The following PDSS2 variants were observed in gnomAD, a reference collection of about 807,000 sequenced individuals.
PDSS2 encodes decaprenyl diphosphate synthase subunit 2, also known as all trans-polyprenyl-diphosphate synthase PDSS2.
A neutral mutation model predicts 44.5 loss-of-function variants in PDSS2; 31 were observed. The ratio of observed to expected loss-of-function variants is 0.70; its 90% CI spans 0.52 to 0.94. PDSS2 has a LOEUF of 0.94. PDSS2 is among the 40% of genes least tolerant of loss of function. The probability of loss-of-function intolerance (pLI) is 0.00; values close to 1 mark genes in which losing one functional copy is unlikely to be tolerated. For synonymous variants in PDSS2, 157 were observed against 180.3 expected (o/e 0.87, Z 1.03); for missense variants, 452 against 482.2 (o/e 0.94, Z 0.59).
intron 7 of PDSS2, among the ~76,000 whole-genome samples, chr6:107,157,813 G>A (rs1770960985): frequency 6.6e-6 from 1 of 152,046 alleles, no homozygotes; most frequent in Admixed American, 6.6e-5. Flanking sequence ...TGGGATTACA[G>A]GCACCCGCCA....
chr6:107,315,387 G>A (rs1160047752), intron 2 of PDSS2, among the ~76,000 whole-genome samples: 20 of 152,172 alleles, frequency 1.3e-4, no homozygotes, highest in Admixed American at 1.3e-3. Context: ...ATCTTTTGAA[G>A]AGATTTCTAA....
intron 6 of PDSS2, among the ~76,000 whole-genome samples, chr6:107,207,166 G>A (rs1050830560): frequency 3.3e-5 from 5 of 151,870 alleles, no homozygotes; most frequent in Non-Finnish European, 5.9e-5. Context: ...CTAATTTTTT[G>A]TATTTTTACT....
intron 7 of PDSS2, among the ~76,000 whole-genome samples, chr6:107,188,034 G>A (rs925565221): frequency 1.3e-5 from 2 of 152,198 alleles, no homozygotes; most frequent in Admixed American, 1.3e-4. Flanking sequence ...CCTGGCAGTC[G>A]TGTTCATGAT....
intron 2 of PDSS2, among the ~76,000 whole-genome samples, chr6:107,308,645 G>A (rs1322442133): frequency 6.6e-6 from 1 of 152,214 alleles, no homozygotes; most frequent in African/African-American, 2.4e-5. Flanking sequence ...CCAAAGAAGA[G>A]GTGACAGCAA....
intron 3 of PDSS2, among the ~76,000 whole-genome samples, chr6:107,248,756 G>T (rs1386073896): frequency 1.3e-5 from 2 of 152,238 alleles, no homozygotes; most frequent in East Asian, 3.9e-4. Context: ...TTATAATTAG[G>T]CATGTAAACT....
chr6:107,279,946 T>C (rs756742361), intron 2 of PDSS2, among the ~76,000 whole-genome samples: 3 of 152,230 alleles, frequency 2.0e-5, no homozygotes, highest in Non-Finnish European at 4.4e-5. Flanking sequence ...CTATTTTAGC[T>C]ACCCAAAGCA....
intron 1 of PDSS2, among the ~76,000 whole-genome samples, chr6:107,393,148 G>A (rs1049078669): frequency 1.1e-4 from 17 of 151,902 alleles, no homozygotes; most frequent in Non-Finnish European, 2.2e-4. Context: ...TTATTGTAAA[G>A]CAATTAATTT....
chr6:107,238,645 T>A (rs1286618395), intron 4 of PDSS2, among the ~76,000 whole-genome samples: 1 of 152,206 alleles, frequency 6.6e-6, no homozygotes, highest in African/African-American at 2.4e-5. Context: ...ATTTTCTGCC[T>A]AGCATGTAGC....
At chr6:107,319,076 T>C (rs1266111116) in intron 2 of PDSS2, among the ~76,000 whole-genome samples, 1 of 151,954 alleles carries the variant, frequency 6.6e-6, no homozygotes, top group Admixed American at 6.6e-5. Flanking sequence ...TTATTTGTGC[T>C]ATGGAAAAAA....
intron 1 of PDSS2, among the ~76,000 whole-genome samples, chr6:107,340,752 G>C (rs1247542243): frequency 6.6e-6 from 1 of 152,208 alleles, no homozygotes; most frequent in African/African-American, 2.4e-5. Flanking sequence ...AGAAGTAGGA[G>C]ACGGGACTGG....
chr6:107,261,907 C>CTTTTTT (rs58274022), intron 3 of PDSS2, among the ~76,000 whole-genome samples: 7 of 117,102 alleles, frequency 6.0e-5, no homozygotes, highest in African/African-American at 1.4e-4. Flanking sequence ...TCTTTCTTTT[C>CTTTTTT]TTTTTTTTTT....
intron 1 of PDSS2, among the ~76,000 whole-genome samples, chr6:107,343,698 A>G (rs1322515568): frequency 6.6e-6 from 1 of 152,246 alleles, no homozygotes; most frequent in Non-Finnish European, 1.5e-5. Context: ...GCATACATAT[A>G]TACATATAAA....
chr6:107,459,302 G>C lies in PDSS2; in HGVS notation c.-17C>G. ...AAAGTTCATGGTTTGAGTCTGGAAG[G>C]GTCTGGGACCTGGGGGTATCCAGAA... On this transcript the variant is annotated 5_prime_UTR_variant, in exon 1 of 8. Coordinates refer to ENST00000369037, the MANE Select transcript of PDSS2 (RefSeq NM_020381.4). This position sits in a 1 kb window ranked among gnomAD's most constrained non-coding sequence, Gnocchi z 4.3. 6.2e-7 allele frequency: 1 copy of C among 1,612,548 alleles called. No homozygotes were observed. The highest frequency in any genetic ancestry group is 8.5e-7 in the Non-Finnish European group (1 of 1,179,206).
intron 3 of PDSS2, among the ~76,000 whole-genome samples, chr6:107,247,986 C>A (rs1380928653): frequency 6.6e-6 from 1 of 151,492 alleles, no homozygotes; most frequent in African/African-American, 2.4e-5. Context: ...AGCGCCACTG[C>A]ACTCCAGTTT....
intron 1 of PDSS2, among the ~76,000 whole-genome samples, chr6:107,419,105 G>C (rs1780749745): frequency 6.6e-6 from 1 of 151,118 alleles, no homozygotes; most frequent in Admixed American, 6.6e-5. Context: ...TTTGATTTTT[G>C]TGAGGCTCAA....
At chr6:107,253,449 T>A (rs1372333178) in intron 3 of PDSS2, among the ~76,000 whole-genome samples, 1 of 152,250 alleles carries the variant, frequency 6.6e-6, no homozygotes, top group Non-Finnish European at 1.5e-5. Flanking sequence ...TTTTAAAGGA[T>A]ACATTGTCTA....
At chr6:107,450,809 AGTGTATGTT>A (rs1781841061) in intron 1 of PDSS2, among the ~76,000 whole-genome samples, 2 of 152,128 alleles carry the variant, frequency 1.3e-5, no homozygotes, top group Admixed American at 1.3e-4. Context: ...CTACATGGTA[AGTGTATGTT>A]TAAACTGATT....
intron 1 of PDSS2, among the ~76,000 whole-genome samples, chr6:107,413,435 C>A (rs1015273656): frequency 2.6e-5 from 4 of 152,178 alleles, no homozygotes; most frequent in African/African-American, 9.7e-5. Flanking sequence ...ACCTGGGAGG[C>A]TGAGGTGGGA....
chr6:107,376,204 CAG>C (rs1318740303), intron 1 of PDSS2, among the ~76,000 whole-genome samples: 3 of 152,092 alleles, frequency 2.0e-5, no homozygotes, highest in African/African-American at 7.2e-5. Context: ...GTGATGCCTC[CAG>C]CTTTGTTCTT....
Sources: allele counts gnomAD v4.1 joint callset (sites outside exome capture counted in the v4.1 genomes callset), GRCh38; gene constraint gnomAD v4.1.1; non-coding constraint Gnocchi (gnomAD v3.1); transcripts MANE v1.5; gene names NCBI Gene and HGNC (gene_info 2026-07-23, HGNC 2026-07-21).